Variants in NPHP1 observed in about 807,000 individuals in gnomAD.
NPHP1 encodes nephrocystin 1.
In NPHP1, 70 loss-of-function variants were observed where a neutral mutation model predicts 90.4. That is an observed-to-expected ratio of 0.77 (90% CI 0.64 to 0.95). The LOEUF (loss-of-function observed/expected upper bound fraction) is 0.95. Ranked by LOEUF, NPHP1 falls within the 40% of genes least tolerant of loss-of-function variation. The pLI is 0.00. For missense variants in NPHP1, 764 were observed against 795.9 expected, an observed-to-expected ratio of 0.96 and a Z score of 0.48; for synonymous variants, 256 against 271.7, an observed-to-expected ratio of 0.94 and a Z score of 0.57.
chr2:110,161,653 G>C lies in NPHP1; in HGVS notation c.904C>G (p.Pro302Ala). 6.2e-7 allele frequency: 1 copy of C among 1,613,206 alleles called. No individual in the cohort carries two copies. The highest frequency in any genetic ancestry group is 8.5e-7 in the Non-Finnish European group (1 of 1,179,334). Reference sequence around the variant, plus strand: ...AGATCTCTGAAGGCCAGTTGTGAAGGCATGAGCTCTGGTTGTAAGAAGTAA... The same window carrying C: ...AGATCTCTGAAGGCCAGTTGTGAAGCCATGAGCTCTGGTTGTAAGAAGTAA... ...ANYFLQPELMPSQLAFRDLMW... is the reference protein window; with the variant it reads ...ANYFLQPELMASQLAFRDLMW... Residue 302 changes from proline to alanine, a missense_variant, in exon 10 of 20, where the codon CCT becomes GCT. Physicochemically the swap from Pro to Ala is conservative, Grantham distance 27. Coordinates refer to ENST00000445609, the MANE Select transcript of NPHP1 (RefSeq NM_001128178.3).
At chr2:110,169,459 C>G (rs576794521) in intron 5 of NPHP1, among the ~76,000 whole-genome samples, 1 of 152,102 alleles carries the variant, frequency 6.6e-6, no homozygotes, top group Non-Finnish European at 1.5e-5. Flanking sequence ...ACAGGAAAGA[C>G]TGCTACAAAA....
intron 2 of NPHP1, chr2:110,184,665 G>A: frequency 1.3e-6 from 1 of 759,854 alleles, no homozygotes; most frequent in South Asian, 1.4e-5. Context: ...GGAGGGCTAT[G>A]ATTTCCACTC....
At position 110,123,862 on chromosome 2, in the gene NPHP1, C is replaced by T. The variant is rs182232373; in HGVS notation, c.1963G>A (p.Val655Ile). 9 of 1,614,138 alleles carry T rather than the reference C, an allele frequency of 5.6e-6. No homozygotes were observed. The highest frequency in any genetic ancestry group is 7.6e-6 in the Non-Finnish European group (9 of 1,179,990). ...ALQALLSPDG[V>I]HEPFDLSEQT... Reference sequence around the variant, plus strand: ...TCTGAAAGGTCAAAAGGTTCATGAACTCCGTCTGGTGACAGCAGAGCTTGG... The same window carrying T: ...TCTGAAAGGTCAAAAGGTTCATGAATTCCGTCTGGTGACAGCAGAGCTTGG... The change falls in exon 20 of 20, where the codon GTT (valine) becomes ATT (isoleucine). Residue 655 changes from valine (V) to isoleucine (I), a missense_variant. Physicochemically the swap from Val to Ile is conservative, Grantham distance 29. Coordinates refer to ENST00000445609, the MANE Select transcript of NPHP1 (RefSeq NM_001128178.3).
intron 2 of NPHP1, among the ~76,000 whole-genome samples, chr2:110,187,101 C>T (rs930691163): frequency 6.6e-6 from 1 of 151,994 alleles, no homozygotes; most frequent in African/African-American, 2.4e-5. Context: ...CCTAACATCT[C>T]AACTAAAAGA....
At chr2:110,151,370 T>G (rs1281485258) in intron 11 of NPHP1, among the ~76,000 whole-genome samples, 1 of 152,012 alleles carries the variant, frequency 6.6e-6, no homozygotes, top group Admixed American at 6.5e-5. Context: ...AAAACTTACA[T>G]AAAACAATGA....
In NPHP1 at chr2:110,123,983, T is replaced by C. The variant is rs778988243; in HGVS notation, c.1842A>G (p.Leu614=). 33 of 1,613,814 alleles carry C rather than the reference T, an allele frequency of 2.0e-5. No individual in the cohort carries two copies. In the South Asian group the frequency reaches 2.9e-4, roughly 14 times the overall value. The change falls in exon 20 of 20, where the codon CTA becomes CTG. Residue 614 remains leucine (L), a synonymous_variant. Transcript: ENST00000445609. ...CTTCTTCTGCCCACCTGAATGGGGG[T>C]AGGCGTGTGGAGTGGAGAAGTGGGA... is the stretch of plus-strand genomic sequence containing the variant. ...CVLPLLHSTR[L]PPFRWAEEET...
chr2:110,163,096 T>C lies in NPHP1; in HGVS notation c.811A>G (p.Ile271Val), dbSNP rs750291966. Residue 271 changes from isoleucine to valine, a missense_variant, in exon 9 of 20, where the codon ATT becomes GTT. By Grantham distance (29) the Ile-to-Val change is conservative. Transcript: ENST00000445609. ...TVDVLTTMGA[I>V]PAGFRPSTLS... ...GTGGAAGGCCTGAACCCTGCAGGAA[T>C]AGCTCCCATCGTAGTTAACACATCA... 103 of 1,613,600 alleles carry C rather than the reference T, an allele frequency of 6.4e-5. No individual in the cohort carries two copies. The highest frequency in any genetic ancestry group is 8.2e-5 in the Non-Finnish European group (97 of 1,179,612).
At chr2:110,149,668 G>A (rs1257143349) in intron 12 of NPHP1, among the ~76,000 whole-genome samples, 1 of 152,170 alleles carries the variant, frequency 6.6e-6, no homozygotes, top group Non-Finnish European at 1.5e-5. Flanking sequence ...GACCTTGGAG[G>A]TAGACGAAAG....
chr2:110,192,158 A>G (rs536582646), intron 2 of NPHP1, among the ~76,000 whole-genome samples: 1 of 152,200 alleles, frequency 6.6e-6, no homozygotes, highest in African/African-American at 2.4e-5. Flanking sequence ...CTGGACGGAG[A>G]ATGACTTTCA....
intron 18 of NPHP1, 139 bp from the exon 19 acceptor site, chr2:110,125,820 T>G (rs1679320191): frequency 2.7e-6 from 2 of 741,818 alleles, no homozygotes; most frequent in Admixed American, 2.0e-5. Flanking sequence ...GAAGTGAATC[T>G]GTAATTAGGA....
chr2:110,147,866 C>A (rs1357377864), intron 13 of NPHP1, 50 bp downstream of exon 13: 1 of 1,072,392 alleles, frequency 9.3e-7, no homozygotes, highest in African/African-American at 1.6e-5. Context: ...ATTTTTTAAC[C>A]TTCCCTTTTA....
chr2:110,182,658 A>G (rs1187239421), intron 2 of NPHP1, among the ~76,000 whole-genome samples: 4 of 152,170 alleles, frequency 2.6e-5, no homozygotes, highest in Non-Finnish European at 5.9e-5. Context: ...AAATACGGAA[A>G]GGAGAAATTG....
intron 2 of NPHP1, among the ~76,000 whole-genome samples, chr2:110,180,760 GGTGA>G (rs978396620): frequency 6.6e-6 from 1 of 152,032 alleles, no homozygotes; most frequent in African/African-American, 2.4e-5. Context: ...CAAGAGAAGT[GGTGA>G]GTGACCATGC....
At chr2:110,189,369 G>A (rs1684524032) in intron 2 of NPHP1, among the ~76,000 whole-genome samples, 1 of 152,060 alleles carries the variant, frequency 6.6e-6, no homozygotes, top group African/African-American at 2.4e-5. Context: ...GCTGGCTCAG[G>A]AGTGAAGCTG....
rs893381961 is a variant in NPHP1 at position 110,163,125 on chromosome 2, G to A, written c.782C>T (p.Thr261Ile). ...TCCCATCGTAGTTAACACATCAACA[G>A]TGTTTATCTGCTGAAGACAGTAACA... Reference protein sequence around the residue: ...VQKAISEQINTVDVLTTMGAI... With the variant: ...VQKAISEQINIVDVLTTMGAI... The change falls in exon 9 of 20, where the codon ACT (threonine) becomes ATT (isoleucine). Residue 261 changes from threonine to isoleucine, a missense_variant. Coordinates refer to ENST00000445609, the MANE Select transcript of NPHP1 (RefSeq NM_001128178.3). 3 of 1,610,242 alleles carry A rather than the reference G, an allele frequency of 1.9e-6. No homozygotes were observed. The highest frequency in any genetic ancestry group is 1.3e-5 in the African/African-American group (1 of 74,970).
chr2:110,171,941 T>C (rs932539661), intron 4 of NPHP1, among the ~76,000 whole-genome samples: 11 of 152,192 alleles, frequency 7.2e-5, no homozygotes, highest in Non-Finnish European at 1.3e-4. Flanking sequence ...AAAGTGTTTC[T>C]TCTTTGTTCT....
chr2:110,184,097 C>T (rs1030105383), intron 2 of NPHP1: 32 of 538,788 alleles, frequency 5.9e-5, no homozygotes, highest in Admixed American at 4.1e-4. Context: ...CTGTCATGAT[C>T]GACAATGAAT....
chr2:110,187,863 T>C (rs1048288794), intron 2 of NPHP1, among the ~76,000 whole-genome samples: 1 of 151,992 alleles, frequency 6.6e-6, no homozygotes, highest in Non-Finnish European at 1.5e-5. Context: ...TGGTTCAACA[T>C]ATACAAATTA....
intron 3 of NPHP1, chr2:110,178,774 AT>A: frequency 3.9e-6 from 2 of 513,182 alleles, no homozygotes; most frequent in Non-Finnish European, 6.9e-6. Context: ...TTTCTCTTTT[AT>A]TTTCTTGCTA....
Sources: allele counts gnomAD v4.1 joint callset (sites outside exome capture counted in the v4.1 genomes callset), GRCh38; gene constraint gnomAD v4.1.1; transcripts MANE v1.5; gene names NCBI Gene and HGNC (gene_info 2026-07-23, HGNC 2026-07-21).